RBFOX2: variants seen among roughly 807,000 people sequenced by gnomAD.
RBFOX2 encodes the protein RNA binding protein fox-1 homolog 2.
RBFOX2 carries 10 observed loss-of-function variants against 49.1 expected under a neutral mutation model. That is an observed-to-expected ratio of 0.20 (90% CI 0.13 to 0.35). The LOEUF is 0.35. Among genes scored for constraint, RBFOX2 ranks in the 10% least tolerant of loss-of-function variants. The pLI, the probability that RBFOX2 is intolerant of heterozygous loss-of-function variation, is 1.00. For synonymous variants in RBFOX2, 183 were observed against 187.4 expected (o/e 0.98, Z 0.19); for missense variants, 323 against 486.9 (o/e 0.66, Z 3.17).
exon 12 of RBFOX2, chr22:35,738,856 T>C (rs1312301833): frequency 2.6e-5 from 4 of 152,592 alleles, no homozygotes; most frequent in Non-Finnish European, 5.9e-5. Context: ...TTTATACACA[T>C]GGAGAGTAAT....
intron 1 of RBFOX2, among the ~76,000 whole-genome samples, chr22:35,926,378 T>C (rs1027267196): frequency 1.3e-5 from 2 of 152,228 alleles, no homozygotes; most frequent in Non-Finnish European, 2.9e-5. Context: ...TTTTCCTTTG[T>C]AAATGGCCCT....
intron 2 of RBFOX2, among the ~76,000 whole-genome samples, chr22:35,782,923 T>A (rs1945509853): frequency 6.6e-6 from 1 of 152,190 alleles, no homozygotes; most frequent in Non-Finnish European, 1.5e-5. Context: ...GGTAACCCAA[T>A]ACGCTCACAC....
chr22:35,856,540 A>C (rs1488059300), intron 1 of RBFOX2, among the ~76,000 whole-genome samples: 1 of 151,950 alleles, frequency 6.6e-6, no homozygotes, highest in Non-Finnish European at 1.5e-5. Flanking sequence ...CAGTATTCTT[A>C]GAAGGTTCCA....
intron 1 of RBFOX2, among the ~76,000 whole-genome samples, chr22:36,008,439 T>G (rs1229625081): frequency 3.3e-5 from 5 of 152,226 alleles, no homozygotes; most frequent in Non-Finnish European, 5.9e-5. Context: ...TTTTTCCCTT[T>G]TAGAGAAAAA....
At chr22:35,885,692 A>G (rs918109399) in intron 1 of RBFOX2, among the ~76,000 whole-genome samples, 126 of 152,098 alleles carry the variant, frequency 8.3e-4, no homozygotes, top group South Asian at 6.0e-3. Flanking sequence ...CATAAACAAC[A>G]TAAGCTTCTG....
chr22:35,745,752 TAAC>T (rs1390621557), intron 11 of RBFOX2, among the ~76,000 whole-genome samples, 168 bp downstream of exon 13: 2 of 152,214 alleles, frequency 1.3e-5, no homozygotes, highest in Admixed American at 6.5e-5. Flanking sequence ...CACATTATAA[TAAC>T]ACACAAATAA....
intron 10 of RBFOX2, 136 bp from the exon 13 acceptor site, chr22:35,746,131 G>A: frequency 1.0e-5 from 8 of 776,852 alleles, no homozygotes; most frequent in East Asian, 2.5e-5. Context: ...ACAAGGAATA[G>A]GAAAAAACCT....
intron 4 of RBFOX2, among the ~76,000 whole-genome samples, chr22:35,776,079 A>C (rs568643987): frequency 3.3e-5 from 5 of 152,184 alleles, no homozygotes; most frequent in African/African-American, 1.2e-4. Context: ...AACAACTAAA[A>C]ATATTTAAAA....
intron 1 of RBFOX2, among the ~76,000 whole-genome samples, chr22:35,918,592 G>A (rs2050686958): frequency 6.6e-6 from 1 of 152,192 alleles, no homozygotes; most frequent in African/African-American, 2.4e-5. Context: ...CAAACTGGCA[G>A]CTCTTTAGAG....
chr22:35,809,194 G>A (rs1951340593), intron 2 of RBFOX2, among the ~76,000 whole-genome samples: 1 of 152,124 alleles, frequency 6.6e-6, no homozygotes, highest in Non-Finnish European at 1.5e-5. Context: ...AGCCTCTTCA[G>A]GTAGGTACTA....
chr22:35,938,074 C>A (rs1439152886), intron 1 of RBFOX2, among the ~76,000 whole-genome samples: 2 of 152,126 alleles, frequency 1.3e-5, no homozygotes, highest in African/African-American at 4.8e-5. Flanking sequence ...CTAGGAGCTA[C>A]CCTTTCAAAT....
At chr22:36,001,326 A>G (rs1266891516) in intron 1 of RBFOX2, among the ~76,000 whole-genome samples, 1 of 152,172 alleles carries the variant, frequency 6.6e-6, no homozygotes. Context: ...AACATGAATG[A>G]CAAACACTAC....
chr22:36,017,263 C>T (rs967392994), intron 1 of RBFOX2, among the ~76,000 whole-genome samples: 11 of 152,152 alleles, frequency 7.2e-5, no homozygotes, highest in African/African-American at 2.4e-4. Flanking sequence ...GGGCACGTGG[C>T]TCATGCCTGT....
chr22:35,918,352 A>T (rs2050661390), intron 1 of RBFOX2, among the ~76,000 whole-genome samples: 1 of 152,308 alleles, frequency 6.6e-6, no homozygotes, highest in South Asian at 2.1e-4. Context: ...CAACAGAACA[A>T]CAGTAAAGTC....
chr22:35,768,390 T>C, intron 4 of RBFOX2, 41 bp from the exon 6 acceptor site: 1 of 1,503,876 alleles, frequency 6.6e-7, no homozygotes. Context: ...TGCACATCGT[T>C]ATATTGAAAT....
chr22:35,780,094 G>A (rs1189647755), intron 3 of RBFOX2, among the ~76,000 whole-genome samples: 2 of 151,988 alleles, frequency 1.3e-5, no homozygotes, highest in Non-Finnish European at 2.9e-5. Context: ...TTTATTTTCT[G>A]TTGCTCTCTT....
chr22:35,792,417 T>C (rs1947934014), intron 2 of RBFOX2, among the ~76,000 whole-genome samples: 3 of 151,068 alleles, frequency 2.0e-5, no homozygotes, highest in Admixed American at 1.3e-4. Context: ...TTTGCAGAGA[T>C]TCACACTGAA....
chr22:35,772,830 C>T (rs1943035672), intron 4 of RBFOX2, among the ~76,000 whole-genome samples: 1 of 151,880 alleles, frequency 6.6e-6, no homozygotes, highest in Non-Finnish European at 1.5e-5. Flanking sequence ...CCTCAGACTG[C>T]AATAAATAAC....
chr22:35,895,029 A>C (rs564884590), intron 1 of RBFOX2, among the ~76,000 whole-genome samples: 2 of 149,552 alleles, frequency 1.3e-5, no homozygotes, highest in African/African-American at 4.9e-5. Flanking sequence ...GCTCCAGCTG[A>C]CTGTTCTGTT....
Sources: allele counts gnomAD v4.1 joint callset (sites outside exome capture counted in the v4.1 genomes callset), GRCh38; gene constraint gnomAD v4.1.1; transcripts MANE v1.5; gene names NCBI Gene and HGNC (gene_info 2026-07-23, HGNC 2026-07-21).